PIK3CA: variants seen among roughly 807,000 people sequenced by gnomAD.
PIK3CA encodes phosphatidylinositol 4,5-bisphosphate 3-kinase catalytic subunit alpha isoform.
A neutral mutation model predicts 138.2 loss-of-function variants in PIK3CA; 27 were observed. The ratio of observed to expected loss-of-function variants is 0.20; its 90% CI spans 0.14 to 0.27. The LOEUF (loss-of-function observed/expected upper bound fraction) is 0.27, where lower values mean the gene tolerates loss of function less well. PIK3CA is among the 10% of genes least tolerant of loss of function. The pLI is 1.00. For missense variants in PIK3CA, 544 were observed against 1,277.4 expected (o/e 0.43, Z 8.75); for synonymous variants, 358 against 413.2 (o/e 0.87, Z 1.62).
chr3:179,220,135 T>C lies in PIK3CA; in HGVS notation c.2015+83T>C, dbSNP rs1724932568. ...TAGATTTATAAATATGTATTACTTA[T>C]ATACTTTTGTTTATGTTTGGCTGGA... On this transcript the variant is annotated intron_variant, in intron 13 of 20. Transcript: ENST00000263967. The surrounding 1 kb of genome is among the most constrained non-coding windows in gnomAD (Gnocchi z 4.1). 9 of 1,041,086 alleles carry C rather than the reference T, an allele frequency of 8.6e-6. No homozygotes were observed. Among genetic ancestry groups the C allele is most frequent in the African/African-American group, 6.7e-5 (4 of 60,108 alleles). The allele number at this position is 1,041,086 out of a possible 1,614,324, so 64.5% of individuals were successfully genotyped here.
At chr3:179,167,087 A>G (rs954431240) in intron 1 of PIK3CA, among the ~76,000 whole-genome samples, 2 of 152,126 alleles carry the variant, frequency 1.3e-5, no homozygotes, top group South Asian at 4.1e-4. Context: ...GTTATATCTT[A>G]TAGGATTTCC....
rs552451443 is a variant in PIK3CA at position 179,164,971 on chromosome 3, T to G, written c.-77+16368T>G. Among the ~76,000 whole-genome samples the G allele has an allele frequency of 8.5e-5, 13 of 152,328 alleles. No individual in the cohort carries two copies. The East Asian group carries it at 9.7e-4, about 11-fold the overall frequency. On this transcript the variant is annotated intron_variant, in intron 1 of 20. Coordinates refer to ENST00000263967, the MANE Select transcript of PIK3CA (RefSeq NM_006218.4). Reference sequence around the variant, plus strand: ...ATTACCAAATCTTGGGTATTCTTTCTTAGAAATGTCTCTGGATTTTAGCCC... The same window carrying G: ...ATTACCAAATCTTGGGTATTCTTTCGTAGAAATGTCTCTGGATTTTAGCCC...
At chr3:179,183,088 T>G (rs1367512202) in intron 1 of PIK3CA, among the ~76,000 whole-genome samples, 1 of 152,218 alleles carries the variant, frequency 6.6e-6, no homozygotes, top group South Asian at 2.1e-4. Flanking sequence ...GCCAAAGTTA[T>G]TACTTCAAGC....
At chr3:179,168,469 A>G (rs1042363197) in intron 1 of PIK3CA, among the ~76,000 whole-genome samples, 2 of 152,030 alleles carry the variant, frequency 1.3e-5, no homozygotes, top group Non-Finnish European at 2.9e-5. Context: ...AGTTCTTTAC[A>G]TTTATTCTGC....
At chr3:179,210,605 T>C (rs2108401903) in intron 9 of PIK3CA, 40 bp downstream of exon 9, 1 of 1,593,990 alleles carries the variant, frequency 6.3e-7, no homozygotes, top group Non-Finnish European at 8.6e-7. Flanking sequence ...TCAATTATAA[T>C]CTGTGGATTT....
At chr3:179,194,273 G>A (rs1274008330) in intron 1 of PIK3CA, among the ~76,000 whole-genome samples, 1 of 152,024 alleles carries the variant, frequency 6.6e-6, no homozygotes, top group Admixed American at 6.6e-5. Context: ...GCCCAGGCTG[G>A]AATGCAGTGG....
At chr3:179,204,793 G>A (rs111742447) in intron 6 of PIK3CA, among the ~76,000 whole-genome samples, 16 of 151,380 alleles carry the variant, frequency 1.1e-4, no homozygotes, top group South Asian at 6.3e-4. Context: ...AGGCTGAGGC[G>A]GGTGGATCAC....
At chr3:179,150,910 G>T (rs895328097) in intron 1 of PIK3CA, among the ~76,000 whole-genome samples, 2 of 152,140 alleles carry the variant, frequency 1.3e-5, no homozygotes, top group African/African-American at 4.8e-5. Flanking sequence ...TTGCTCTGTT[G>T]ATCTGTTTAT....
intron 1 of PIK3CA, among the ~76,000 whole-genome samples, chr3:179,181,462 C>T (rs989360922): frequency 6.6e-6 from 1 of 151,958 alleles, no homozygotes; most frequent in Non-Finnish European, 1.5e-5. Flanking sequence ...GTATTATAAA[C>T]CCAGTTGTAA....
Position 179,224,203 on chromosome 3 carries a change from T to C in PIK3CA, c.2294+16T>C. 8.1e-7 allele frequency: 1 copy of C among 1,237,888 alleles called. No individual in the cohort carries two copies. The highest frequency in any genetic ancestry group is 1.5e-5 in the African/African-American group (1 of 67,006). The allele number at this position is 1,237,888 out of a possible 1,614,324, so 76.7% of individuals were successfully genotyped here. On this transcript the variant is annotated intron_variant, in intron 15 of 20. Transcript: ENST00000263967. ...GAAACCTCAGGTACTTTCTTGGGGG[T>C]TTCATTGATATATTTAAATAAATAC...
intron 16 of PIK3CA, 96 bp downstream of exon 16, chr3:179,224,917 T>G: frequency 1.3e-6 from 1 of 792,312 alleles, no homozygotes; most frequent in African/African-American, 1.7e-5. Context: ...GAAAGCCATT[T>G]AAGGAATATA....
intron 1 of PIK3CA, among the ~76,000 whole-genome samples, chr3:179,179,785 G>C (rs557123897): frequency 6.6e-6 from 1 of 152,274 alleles, no homozygotes; most frequent in Admixed American, 6.5e-5. Context: ...ATAACAAGAA[G>C]TTTTGCCTTG....
chr3:179,238,316 T>C lies in PIK3CA; in HGVS notation c.*3952T>C, dbSNP rs1725370691. ...GGGCTGTTTTTTAAAATATAAACAA[T>C]ACCATTTTTAATTATTACATTAAAA... On this transcript the variant is annotated 3_prime_UTR_variant, in exon 21 of 21. Transcript: ENST00000263967. The C allele has an allele frequency of 4.7e-6, 1 of 214,538 alleles. No homozygotes were observed. Among genetic ancestry groups the C allele is most frequent in the South Asian group, 1.9e-4 (1 of 5,364 alleles). The allele number at this position is 214,538 out of a possible 1,614,324, so 13.3% of individuals were successfully genotyped here.
intron 4 of PIK3CA, among the ~76,000 whole-genome samples, chr3:179,202,151 G>T (rs928551937): frequency 6.6e-6 from 1 of 152,102 alleles, no homozygotes; most frequent in African/African-American, 2.4e-5. Context: ...TGCAGCATCA[G>T]CCTCCCAGGC....
At chr3:179,212,032 C>T (rs754452648) in intron 9 of PIK3CA, among the ~76,000 whole-genome samples, 1 of 151,924 alleles carries the variant, frequency 6.6e-6, no homozygotes, top group African/African-American at 2.4e-5. Flanking sequence ...TTTGAGATGG[C>T]GTTTTGCTCT....
At chr3:179,193,613 CA>C (rs757040858) in intron 1 of PIK3CA, among the ~76,000 whole-genome samples, 67 of 152,300 alleles carry the variant, frequency 4.4e-4, no homozygotes, top group Non-Finnish European at 8.2e-4. Flanking sequence ...TATAATTCAT[CA>C]AAAAGGTAAA....
chr3:179,239,202 A>C lies in PIK3CA; in HGVS notation c.*4838A>C. On this transcript the variant is annotated 3_prime_UTR_variant, in exon 21 of 21. Transcript: ENST00000263967. ...TAGGTAAGTACAGAAAAGGTTTTTA[A>C]ATGTATTTTTTTAGCCAGTTAAAGT... 4.9e-6 allele frequency: 1 copy of C among 206,152 alleles called. No individual in the cohort carries two copies. The highest frequency in any genetic ancestry group is 7.4e-5 in the East Asian group (1 of 13,566). The allele number at this position is 206,152 out of a possible 1,614,324, so 12.8% of individuals were successfully genotyped here.
chr3:179,183,002 G>C (rs898289439), intron 1 of PIK3CA, among the ~76,000 whole-genome samples: 1 of 152,094 alleles, frequency 6.6e-6, no homozygotes, highest in Non-Finnish European at 1.5e-5. Context: ...TCACATCTTA[G>C]CTAGGTGACA....
intron 1 of PIK3CA, among the ~76,000 whole-genome samples, chr3:179,185,472 C>T (rs952398937): frequency 2.0e-5 from 3 of 152,210 alleles, no homozygotes; most frequent in African/African-American, 7.2e-5. Context: ...TCAGTTGATT[C>T]TGCCGCAGAT....
Sources: gnomAD v4.1 joint callset for allele counts (sites outside exome capture counted in the v4.1 genomes callset) on GRCh38, gnomAD v4.1.1 for gene constraint, Gnocchi (gnomAD v3.1) non-coding constraint, MANE v1.5 for transcripts, NCBI Gene and HGNC (gene_info 2026-07-23, HGNC 2026-07-21) for gene names.